CPVL: variants seen among roughly 807,000 people sequenced by gnomAD.
CPVL encodes probable serine carboxypeptidase CPVL.
Under a neutral mutation model 63.7 loss-of-function variants are expected in CPVL, and 51 were observed. That is an observed-to-expected ratio of 0.80 (90% CI 0.64 to 1.01). CPVL has a LOEUF of 1.01. CPVL is among the 50% of genes least tolerant of loss of function. The pLI is 0.00. For synonymous variants in CPVL, 195 were observed against 206.0 expected, an observed-to-expected ratio of 0.95 and a Z score of 0.46; for missense variants, 530 against 573.1, an observed-to-expected ratio of 0.92 and a Z score of 0.77.
chr7:29,130,906 T>C (rs1382750843), intron 1 of CPVL, among the ~76,000 whole-genome samples: 2 of 152,250 alleles, frequency 1.3e-5, no homozygotes. Flanking sequence ...TGCTTCATAA[T>C]GGATTTCTAG....
intron 2 of CPVL, among the ~76,000 whole-genome samples, chr7:29,118,176 T>C (rs73089021): frequency 0.045 from 6,810 of 152,328 alleles, 208 homozygotes; most frequent in Admixed American, 0.079. Context: ...AACCCATCTC[T>C]GCTACCCAAC....
chr7:29,000,999 A>G (rs1784573900), intron 12 of CPVL: 1 of 152,212 alleles, frequency 6.6e-6, no homozygotes, highest in African/African-American at 2.4e-5. Context: ...GGAGAAGGCT[A>G]ATTTGGAAGG....
chr7:29,010,310 A>G (rs192180409), intron 12 of CPVL: 36 of 152,174 alleles, frequency 2.4e-4, no homozygotes, highest in Non-Finnish European at 2.2e-4. Flanking sequence ...TCTAAATGTA[A>G]GCTCCTATAT....
intron 11 of CPVL, among the ~76,000 whole-genome samples, chr7:29,048,175 G>C (rs1789800191): frequency 6.6e-6 from 1 of 152,048 alleles, no homozygotes; most frequent in Non-Finnish European, 1.5e-5. Flanking sequence ...AAGGTACACA[G>C]GCAACAAATA....
At chr7:29,084,978 G>A (rs970188933) in intron 7 of CPVL, among the ~76,000 whole-genome samples, 1 of 152,190 alleles carries the variant, frequency 6.6e-6, no homozygotes, top group African/African-American at 2.4e-5. Context: ...CAATGTGGGA[G>A]AAGGGGTAAA....
chr7:29,085,792 T>C (rs984420466), intron 7 of CPVL, among the ~76,000 whole-genome samples: 4 of 152,206 alleles, frequency 2.6e-5, no homozygotes, highest in Admixed American at 6.5e-5. Flanking sequence ...ATCTATGTAA[T>C]GATCTTGCTC....
chr7:29,077,072 A>T (rs539025082), intron 7 of CPVL, among the ~76,000 whole-genome samples: 1 of 152,372 alleles, frequency 6.6e-6, no homozygotes, highest in South Asian at 2.1e-4. Flanking sequence ...TGTTTCAACA[A>T]CATTCACAGC....
At chr7:29,148,670 A>G (rs968525177), upstream of CPVL, 2 of 152,198 alleles carry the variant, frequency 1.3e-5, no homozygotes, top group African/African-American at 2.4e-5. Context: ...TTTTTGGGGT[A>G]CCCTGTATTC....
intron 6 of CPVL, 89 bp from the exon 7 acceptor site, chr7:29,086,639 G>T: frequency 3.1e-6 from 3 of 970,310 alleles, no homozygotes; most frequent in Non-Finnish European, 5.0e-6. Flanking sequence ...TAACTCTTTG[G>T]CAATAGGTTT....
chr7:29,081,733 A>G (rs557976544), intron 7 of CPVL, among the ~76,000 whole-genome samples: 1 of 152,332 alleles, frequency 6.6e-6, no homozygotes, highest in Admixed American at 6.5e-5. Flanking sequence ...GGGAGTCATA[A>G]TATATTAGCC....
At position 29,171,162 on chromosome 7, in the gene CPVL, G is replaced by A. The variant is rs117389475; in HGVS notation, c.-11+10128C>T. ...TTCCCCCCAGTTCTGACTCTTGCCTGCAGAGCCCTAACATTGCTTACATAC... is the reference window on the plus strand; with the variant it reads ...TTCCCCCCAGTTCTGACTCTTGCCTACAGAGCCCTAACATTGCTTACATAC... On this transcript the variant is annotated intron_variant, in intron 5 of 16. Coordinates refer to the CPVL transcript ENST00000409850. Among the ~76,000 whole-genome samples the A allele has an allele frequency of 8.3e-3, 1,271 of 152,252 alleles. 7 individuals are homozygous for A. The highest frequency in any genetic ancestry group is 0.014 in the Non-Finnish European group (945 of 68,024).
At chr7:29,079,380 G>C (rs1007267692) in intron 7 of CPVL, among the ~76,000 whole-genome samples, 1 of 152,170 alleles carries the variant, frequency 6.6e-6, no homozygotes, top group Admixed American at 6.5e-5. Context: ...CCTGGAGTCT[G>C]ACTGCTTAGG....
downstream of CPVL, among the ~76,000 whole-genome samples, chr7:28,995,025 T>C (rs1346716043): frequency 6.6e-6 from 1 of 150,948 alleles, no homozygotes; most frequent in Middle Eastern, 3.2e-3. Flanking sequence ...CTAACAATGA[T>C]ACAAAATTAG....
intron 1 of CPVL, among the ~76,000 whole-genome samples, chr7:29,134,732 A>G (rs1390234872): frequency 6.6e-6 from 1 of 152,154 alleles, no homozygotes; most frequent in Admixed American, 6.5e-5. Context: ...ATAGGAAGAA[A>G]AAAGATAAGG....
At chr7:29,103,426 T>TG (rs1787411627) in intron 3 of CPVL, among the ~76,000 whole-genome samples, 1 of 143,604 alleles carries the variant, frequency 7.0e-6, no homozygotes, top group Admixed American at 7.0e-5. Context: ...TTTTTTTTTT[T>TG]GTATTTTTAG....
upstream of CPVL, chr7:29,146,717 A>G: frequency 6.4e-7 from 1 of 1,550,644 alleles, no homozygotes; most frequent in Non-Finnish European, 8.7e-7. Flanking sequence ...TTAAAAATTA[A>G]TGAAGAGCAT....
At chr7:29,036,263 G>A (rs1018874022) in intron 11 of CPVL, among the ~76,000 whole-genome samples, 4 of 152,082 alleles carry the variant, frequency 2.6e-5, no homozygotes, top group Admixed American at 2.0e-4. Flanking sequence ...AGGATGCGAC[G>A]AACTATACAG....
intron 7 of CPVL, among the ~76,000 whole-genome samples, chr7:29,084,438 C>T (rs1007479591): frequency 6.6e-6 from 1 of 152,256 alleles, no homozygotes; most frequent in African/African-American, 2.4e-5. Context: ...ACCTCCTTCA[C>T]TCTCCAGCCC....
At chr7:29,088,873 G>A (rs1267381661) in intron 6 of CPVL, among the ~76,000 whole-genome samples, 2 of 152,160 alleles carry the variant, frequency 1.3e-5, no homozygotes, top group Admixed American at 6.5e-5. Flanking sequence ...TACTCAGGAG[G>A]CTGAGGCAGG....
Sources: gnomAD v4.1 joint callset for allele counts (sites outside exome capture counted in the v4.1 genomes callset) on GRCh38, gnomAD v4.1.1 for gene constraint, MANE v1.5 for transcripts, NCBI Gene and HGNC (gene_info 2026-07-23, HGNC 2026-07-21) for gene names.